The following RAD54B variants were observed in gnomAD, a reference collection of about 807,000 sequenced individuals.
The protein encoded by RAD54B is RAD54 homolog B, also known as DNA repair and recombination protein RAD54B.
Under a neutral mutation model 95.8 loss-of-function variants are expected in RAD54B, and 78 were observed. That is an observed-to-expected ratio of 0.81 (90% CI 0.68 to 0.98). The LOEUF (loss-of-function observed/expected upper bound fraction) is 0.98. RAD54B is among the 50% of genes least tolerant of loss of function. The pLI is 0.00. For missense variants in RAD54B, 957 were observed against 1,056.6 expected, an observed-to-expected ratio of 0.91 and a Z score of 1.31; for synonymous variants, 328 against 354.9, an observed-to-expected ratio of 0.92 and a Z score of 0.85.
intron 3 of RAD54B, among the ~76,000 whole-genome samples, chr8:94,422,536 G>A (rs1467591983): frequency 8.0e-6 from 1 of 124,666 alleles, no homozygotes; most frequent in South Asian, 2.9e-4. Flanking sequence ...GCAGTGAGCC[G>A]AGAACATTCC....
At chr8:94,405,645 T>C (rs1202462637) in intron 5 of RAD54B, among the ~76,000 whole-genome samples, 2 of 152,176 alleles carry the variant, frequency 1.3e-5, no homozygotes, top group African/African-American at 4.8e-5. Context: ...AGTAAGAGTG[T>C]GCTCCTTGTG....
Position 94,393,743 on chromosome 8 carries a change from C to A in RAD54B, c.1518G>T (p.Glu506Asp). The change falls in exon 9 of 15, where the codon GAG becomes GAT. Residue 506 changes from glutamate to aspartate, a missense_variant and splice_region_variant. Physicochemically the swap from Glu to Asp is conservative, Grantham distance 45. Coordinates refer to ENST00000336148, the MANE Select transcript of RAD54B (RefSeq NM_012415.3). The part of the protein sequence containing the change: ...IILSREPSAS[E>D]EEKELGERRA... ...ACCTATTTATTAGAGTAAATTATAC[C>A]TCAGAAGCAGAAGGTTCTCTCGATA... 1 of 1,571,302 alleles carries A rather than the reference C, an allele frequency of 6.4e-7. No homozygotes were observed. The highest frequency in any genetic ancestry group is 1.7e-4 in the Middle Eastern group (1 of 5,824).
At chr8:94,474,928 G>C (rs1394823755) in intron 1 of RAD54B, 73 bp downstream of exon 1, 1 of 152,514 alleles carries the variant, frequency 6.6e-6, no homozygotes, top group Non-Finnish European at 1.5e-5. Context: ...CTGCTCCGGC[G>C]CCACTCCCTG....
Position 94,431,289 on chromosome 8 carries a change from T to C in RAD54B, c.305-19974A>G, listed in dbSNP as rs910289228. ...CATTCAAAATGAATTAAGACATGTC[T>C]TTAAATCACACAGCCAAAATATATA... On this transcript the variant is annotated intron_variant, in intron 3 of 14. Coordinates refer to ENST00000336148, the MANE Select transcript of RAD54B (RefSeq NM_012415.3). 7 of 976,288 alleles carry C rather than the reference T, an allele frequency of 7.2e-6. No individual in the cohort carries two copies. The African/African-American group carries it at 1.2e-4, about 17-fold the overall frequency. The allele number at this position is 976,288 out of a possible 1,614,324, so 60.5% of individuals were successfully genotyped here.
At position 94,433,719 on chromosome 8, in the gene RAD54B, C is replaced by T. The variant is rs973549926; in HGVS notation, c.305-22404G>A. 5.3e-5 allele frequency among the ~76,000 whole-genome samples: 8 copies of T among 151,252 alleles called. 1 individual carries two copies. In the South Asian group the frequency reaches 6.2e-4, roughly 12 times the overall value. On this transcript the variant is annotated intron_variant, in intron 3 of 14. Transcript: ENST00000336148. ...TTGAGGTTGTTTTTTTTAATTTATG[C>T]TTCTGCCTAACTTAAAAATAAAAGT...
At chr8:94,473,794 C>T (rs2130220518) in intron 1 of RAD54B, among the ~76,000 whole-genome samples, 1 of 152,304 alleles carries the variant, frequency 6.6e-6, no homozygotes, top group Admixed American at 6.5e-5. Flanking sequence ...TGTCGACTTC[C>T]AACTACATTA....
At position 94,386,853 on chromosome 8, in the gene RAD54B, C is replaced by T. The variant is rs1408085247; in HGVS notation, c.1985+131G>A. Reference sequence around the variant, plus strand: ...TTACAAGTTTATGAAATACTAGAAGCTAACCATATTCCCAAAGAAGAAAAT... The same window carrying T: ...TTACAAGTTTATGAAATACTAGAAGTTAACCATATTCCCAAAGAAGAAAAT... On this transcript the variant is annotated intron_variant, in intron 11 of 14. Coordinates refer to ENST00000336148, the MANE Select transcript of RAD54B (RefSeq NM_012415.3). 9.7e-6 allele frequency: 6 copies of T among 616,716 alleles called. No homozygotes were observed. In the African/African-American group the frequency reaches 1.1e-4, roughly 12 times the overall value. The allele number at this position is 616,716 out of a possible 1,614,324, so 38.2% of individuals were successfully genotyped here.
intron 3 of RAD54B, among the ~76,000 whole-genome samples, 156 bp downstream of exon 3, chr8:94,458,112 A>T (rs963402046): frequency 6.6e-6 from 1 of 152,232 alleles, no homozygotes; most frequent in Non-Finnish European, 1.5e-5. Flanking sequence ...ATCACTAAAG[A>T]TAAATTATGA....
intron 3 of RAD54B, among the ~76,000 whole-genome samples, chr8:94,445,565 A>G (rs1812502603): frequency 1.3e-5 from 2 of 152,184 alleles, no homozygotes; most frequent in Non-Finnish European, 2.9e-5. Flanking sequence ...TTTTTTATTC[A>G]CAAGTGTCAA....
chr8:94,439,317 C>T (rs1280213001), intron 3 of RAD54B, among the ~76,000 whole-genome samples: 2 of 152,170 alleles, frequency 1.3e-5, no homozygotes, highest in Non-Finnish European at 2.9e-5. Context: ...GCATTCTTTG[C>T]AGTTGCATAC....
chr8:94,471,054 C>A (rs1813159661), intron 1 of RAD54B, among the ~76,000 whole-genome samples: 1 of 151,978 alleles, frequency 6.6e-6, no homozygotes. Context: ...AACCATGAGC[C>A]CTCTTCATCT....
chr8:94,378,697 CA>C (rs1289331979), intron 12 of RAD54B, 63 bp from the exon 13 acceptor site: 21 of 1,073,868 alleles, frequency 2.0e-5, no homozygotes, highest in Non-Finnish European at 2.8e-5. Context: ...TCCACACATG[CA>C]ATTTGCAGAA....
chr8:94,391,930 T>C (rs1249270918), intron 9 of RAD54B, 31 bp from the exon 10 acceptor site: 4 of 1,539,280 alleles, frequency 2.6e-6, no homozygotes, highest in Non-Finnish European at 2.6e-6. Flanking sequence ...TAAATGAAAG[T>C]GTTATAGACA....
intron 2 of RAD54B, among the ~76,000 whole-genome samples, chr8:94,459,689 G>A (rs532691506): frequency 5.4e-4 from 81 of 149,444 alleles, no homozygotes; most frequent in East Asian, 2.3e-3. Flanking sequence ...GTGAAACCCC[G>A]TCTCTACTGA....
At chr8:94,435,364 TA>T (rs1812227666) in intron 3 of RAD54B, among the ~76,000 whole-genome samples, 1 of 152,024 alleles carries the variant, frequency 6.6e-6, no homozygotes, top group Non-Finnish European at 1.5e-5. Flanking sequence ...ACTTTCCTAG[TA>T]AATTACCAAA....
intron 3 of RAD54B, chr8:94,429,573 A>C: frequency 5.1e-6 from 5 of 982,848 alleles, no homozygotes; most frequent in Non-Finnish European, 6.0e-6. Context: ...TGCTTTCAAT[A>C]ATTTCAAAAA....
At chr8:94,397,607 T>C (rs955573811) in intron 8 of RAD54B, among the ~76,000 whole-genome samples, 15 of 152,172 alleles carry the variant, frequency 9.9e-5, no homozygotes, top group African/African-American at 3.6e-4. Context: ...TTGCTTATCA[T>C]TGAGTATATC....
chr8:94,403,660 T>C (rs996882997), intron 6 of RAD54B, among the ~76,000 whole-genome samples: 3 of 149,878 alleles, frequency 2.0e-5, no homozygotes, highest in Non-Finnish European at 4.4e-5. Flanking sequence ...CTGGGCAACA[T>C]AGTAAGACTC....
chr8:94,386,961 T>G (rs774083778), intron 11 of RAD54B, 23 bp downstream of exon 11: 1 of 1,554,144 alleles, frequency 6.4e-7, no homozygotes, highest in East Asian at 2.3e-5. Flanking sequence ...TGAGCACTTA[T>G]AAGTTTGTTA....
Sources: gnomAD v4.1 joint callset for allele counts (sites outside exome capture counted in the v4.1 genomes callset) on GRCh38, gnomAD v4.1.1 for gene constraint, MANE v1.5 for transcripts, NCBI Gene and HGNC (gene_info 2026-07-23, HGNC 2026-07-21) for gene names.